The following FRMD4A variants were observed in gnomAD, a reference collection of about 807,000 sequenced individuals.
The protein encoded by FRMD4A is FERM domain containing 4A, also known as FERM domain-containing protein 4A.
Under a neutral mutation model 129.1 loss-of-function variants are expected in FRMD4A, and 29 were observed. The observed-to-expected ratio is 0.22, with a 90% confidence interval of 0.17 to 0.31. The LOEUF (loss-of-function observed/expected upper bound fraction) is 0.31. Ranked by LOEUF, FRMD4A falls within the 10% of genes least tolerant of loss-of-function variation. The probability of loss-of-function intolerance (pLI) is 1.00; values close to 1 mark genes in which losing one functional copy is unlikely to be tolerated. For missense variants in FRMD4A, 1,272 were observed against 1,375.8 expected (o/e 0.92, Z 1.19); for synonymous variants, 634 against 571.6 (o/e 1.11, Z -1.56).
chr10:13,852,527 A>G (rs2094153954), intron 3 of FRMD4A, among the ~76,000 whole-genome samples: 1 of 152,190 alleles, frequency 6.6e-6, no homozygotes, highest in South Asian at 2.1e-4. Flanking sequence ...CTGGACCAAG[A>G]TTTTAATTTT....
intron 2 of FRMD4A, among the ~76,000 whole-genome samples, chr10:13,870,105 C>T (rs945952822): frequency 1.3e-5 from 2 of 152,206 alleles, no homozygotes; most frequent in African/African-American, 4.8e-5. Context: ...AGAGGGAGTG[C>T]TGTGCAGTCT....
chr10:13,776,340 AGAT>A (rs1447665220), intron 6 of FRMD4A, among the ~76,000 whole-genome samples: 3 of 152,082 alleles, frequency 2.0e-5, no homozygotes, highest in African/African-American at 7.2e-5. Flanking sequence ...CAAGCTCCTA[AGAT>A]CAAGTGATCC....
At chr10:13,794,461 T>C (rs1392997620) in intron 5 of FRMD4A, among the ~76,000 whole-genome samples, 2 of 151,192 alleles carry the variant, frequency 1.3e-5, no homozygotes, top group Non-Finnish European at 2.9e-5. Context: ...GTGTAGCCTA[T>C]GTGACTGAGT....
intron 2 of FRMD4A, among the ~76,000 whole-genome samples, chr10:14,089,173 C>T (rs559144193): frequency 1.4e-4 from 21 of 152,270 alleles, no homozygotes; most frequent in African/African-American, 4.1e-4. Flanking sequence ...TTGACTTTCC[C>T]AGCTAATGTT....
At chr10:13,811,403 G>C (rs910215342) in intron 3 of FRMD4A, among the ~76,000 whole-genome samples, 15 of 151,042 alleles carry the variant, frequency 9.9e-5, no homozygotes, top group African/African-American at 3.7e-4. Context: ...AAAGTGCTGT[G>C]ATTACAGACG....
At chr10:13,721,948 A>G (rs973162555) in intron 12 of FRMD4A, among the ~76,000 whole-genome samples, 1 of 152,212 alleles carries the variant, frequency 6.6e-6, no homozygotes, top group African/African-American at 2.4e-5. Context: ...GTTGGTTTTC[A>G]GTCAAACGTG....
intron 12 of FRMD4A, among the ~76,000 whole-genome samples, chr10:13,714,361 CCA>C (rs1460901053): frequency 6.6e-6 from 1 of 151,066 alleles, no homozygotes; most frequent in Non-Finnish European, 1.5e-5. Flanking sequence ...ACATCCTGGC[CCA>C]GGTATATGTT....
intron 2 of FRMD4A, among the ~76,000 whole-genome samples, chr10:14,064,062 T>C (rs887160113): frequency 6.6e-6 from 1 of 152,198 alleles, no homozygotes; most frequent in Non-Finnish European, 1.5e-5. Context: ...GTAAAGATTT[T>C]GCAATCAGAA....
At chr10:14,239,336 G>A (rs755123156) in intron 2 of FRMD4A, among the ~76,000 whole-genome samples, 9 of 152,264 alleles carry the variant, frequency 5.9e-5, no homozygotes, top group Non-Finnish European at 1.2e-4. Flanking sequence ...TTTTAAAACT[G>A]GCAAAAGCTG....
At chr10:14,323,649 T>C (rs1037650681) in intron 2 of FRMD4A, among the ~76,000 whole-genome samples, 3 of 152,314 alleles carry the variant, frequency 2.0e-5, no homozygotes, top group Non-Finnish European at 4.4e-5. Context: ...CAGCTCTTCC[T>C]TTTTTGGAAC....
intron 8 of FRMD4A, 113 bp from the exon 9 acceptor site, chr10:13,747,932 A>T: frequency 1.4e-6 from 1 of 698,866 alleles, no homozygotes; most frequent in Non-Finnish European, 2.6e-6. Flanking sequence ...CTTCCCTGTT[A>T]ATAAAAAGCA....
chr10:13,671,754 A>T (rs553867261), intron 16 of FRMD4A, among the ~76,000 whole-genome samples: 1 of 152,388 alleles, frequency 6.6e-6, no homozygotes, highest in South Asian at 2.1e-4. Flanking sequence ...ATCAAATTCA[A>T]GAAGTCACTT....
intron 22 of FRMD4A, chr10:13,655,581 A>G (rs943103): frequency 0.99 from 150,102 of 152,276 alleles, 74,017 homozygotes; most frequent in Middle Eastern, 1. Context: ...ATAGAATGCC[A>G]GAGCCTGGCT....
At chr10:14,089,684 T>C (rs1441390053) in intron 2 of FRMD4A, among the ~76,000 whole-genome samples, 1 of 147,424 alleles carries the variant, frequency 6.8e-6, no homozygotes, top group East Asian at 2.0e-4. Flanking sequence ...AACCAGACTG[T>C]AGTTTCCCTG....
At chr10:14,118,752 C>G (rs12355054) in intron 2 of FRMD4A, among the ~76,000 whole-genome samples, 1 of 152,014 alleles carries the variant, frequency 6.6e-6, no homozygotes, top group Non-Finnish European at 1.5e-5. Context: ...TTTACTACAA[C>G]GAGAACAGTA....
In FRMD4A at chr10:13,818,461, C is replaced by T. The variant is rs188036556; in HGVS notation, c.112-7553G>A. Among the ~76,000 whole-genome samples, 9 of 152,306 alleles carry T rather than the reference C, an allele frequency of 5.9e-5. No homozygotes were observed. In the East Asian group the frequency reaches 1.7e-3, roughly 29 times the overall value. On this transcript the variant is annotated intron_variant, in intron 3 of 24. Coordinates refer to ENST00000357447, the MANE Select transcript of FRMD4A (RefSeq NM_018027.5). The stretch of plus-strand genomic sequence containing the variant: ...CTGGGATGACAAGTGTGACCCAATG[C>T]ACCCAGCCTTTATTCCTTATGTTAT...
chr10:13,931,724 A>G (rs964561385), intron 2 of FRMD4A, among the ~76,000 whole-genome samples: 11 of 151,118 alleles, frequency 7.3e-5, no homozygotes, highest in Non-Finnish European at 1.6e-4. Flanking sequence ...GATCACCTGA[A>G]GTCAGGAGTT....
chr10:13,694,854 AAG>A (rs2086065991), intron 14 of FRMD4A, among the ~76,000 whole-genome samples: 2 of 147,896 alleles, frequency 1.4e-5, no homozygotes, highest in South Asian at 4.3e-4. Context: ...AAAAAAAAAA[AAG>A]AGAGAAATGA....
At chr10:14,306,894 T>C (rs1360127874) in intron 2 of FRMD4A, among the ~76,000 whole-genome samples, 1 of 152,130 alleles carries the variant, frequency 6.6e-6, no homozygotes, top group African/African-American at 2.4e-5. Context: ...TGGGGCGGGA[T>C]GGGGAGAGAA....
Sources: gnomAD v4.1 joint callset for allele counts (sites outside exome capture counted in the v4.1 genomes callset) on GRCh38, gnomAD v4.1.1 for gene constraint, MANE v1.5 for transcripts, NCBI Gene and HGNC (gene_info 2026-07-23, HGNC 2026-07-21) for gene names.